NPR3: variants seen among roughly 807,000 people sequenced by gnomAD.
NPR3 encodes the protein natriuretic peptide receptor 3.
Under a neutral mutation model 54.5 loss-of-function variants are expected in NPR3, and 34 were observed. The observed-to-expected ratio is 0.62, with a 90% confidence interval of 0.47 to 0.83. NPR3 has a LOEUF of 0.83. Among genes scored for constraint, NPR3 ranks in the 40% least tolerant of loss-of-function variants. NPR3 has a pLI of 0.00. For missense variants in NPR3, 674 were observed against 720.8 expected (o/e 0.94, Z 0.74); for synonymous variants, 289 against 297.1 (o/e 0.97, Z 0.28).
At chr5:32,713,459 C>T in intron 1 of NPR3, 4 of 985,312 alleles carry the variant, frequency 4.1e-6, no homozygotes, top group South Asian at 4.7e-5. Context: ...TGAGGGAAGG[C>T]GGACTGAGAT....
chr5:32,738,294 C>A (rs955005513), intron 2 of NPR3, among the ~76,000 whole-genome samples: 9 of 152,018 alleles, frequency 5.9e-5, no homozygotes, highest in Non-Finnish European at 1.2e-4. Flanking sequence ...CCCTGCCCCC[C>A]ACCCCCTGAT....
At chr5:32,721,530 T>C (rs960123907) in intron 1 of NPR3, among the ~76,000 whole-genome samples, 23 of 152,016 alleles carry the variant, frequency 1.5e-4, no homozygotes, top group Admixed American at 1.2e-3. Flanking sequence ...GTAGTCTCAG[T>C]TACTTGGGAG....
At chr5:32,710,710 G>C (rs1738163713), upstream of NPR3, 1 of 1,546,860 alleles carries the variant, frequency 6.5e-7, no homozygotes, top group Admixed American at 2.0e-5. Context: ...CTGACCTTGC[G>C]CCGAGGGACC....
intron 3 of NPR3, among the ~76,000 whole-genome samples, chr5:32,764,692 G>A (rs1741352338): frequency 6.7e-6 from 1 of 149,192 alleles, no homozygotes; most frequent in African/African-American, 2.5e-5. Flanking sequence ...GGAGGCTGAG[G>A]CAGGAGAATT....
chr5:32,762,822 G>T (rs769971351), intron 3 of NPR3, among the ~76,000 whole-genome samples: 1 of 152,114 alleles, frequency 6.6e-6, no homozygotes, highest in South Asian at 2.1e-4. Context: ...CTGTGCAGAA[G>T]GTCTTCAGTT....
chr5:32,772,048 G>A (rs974823911), intron 3 of NPR3, among the ~76,000 whole-genome samples: 9 of 152,110 alleles, frequency 5.9e-5, no homozygotes, highest in Admixed American at 2.6e-4. Flanking sequence ...AAGCCATAAT[G>A]ACTTCATGGC....
intron 1 of NPR3, among the ~76,000 whole-genome samples, chr5:32,724,193 G>A (rs548997084): frequency 9.2e-5 from 14 of 152,106 alleles, no homozygotes; most frequent in Non-Finnish European, 1.5e-4. Context: ...GCCCTTTATA[G>A]CAAAACATTT....
At chr5:32,757,934 C>T (rs553189099) in intron 3 of NPR3, among the ~76,000 whole-genome samples, 183 of 152,324 alleles carry the variant, frequency 1.2e-3, no homozygotes, top group African/African-American at 4.3e-3. Flanking sequence ...ACCAGTCTTG[C>T]ATCCCAGGGA....
chr5:32,708,450 T>C (rs1464723680), upstream of NPR3, among the ~76,000 whole-genome samples: 1 of 152,114 alleles, frequency 6.6e-6, no homozygotes, highest in African/African-American at 2.4e-5. Context: ...GCTATATATA[T>C]ATATAAAAAT....
chr5:32,765,243 A>G (rs1741390242), intron 3 of NPR3, among the ~76,000 whole-genome samples: 1 of 152,192 alleles, frequency 6.6e-6, no homozygotes, highest in African/African-American at 2.4e-5. Context: ...GGTATTCAAG[A>G]CATGGTCAAG....
At position 32,789,367 on chromosome 5, in the gene NPR3, A is replaced by C; in HGVS notation, c.*3022A>C. On this transcript the variant is annotated 3_prime_UTR_variant, in exon 8 of 8. Transcript: ENST00000265074. ...AATCTGGAAAGAATTTTTTGTATAG[A>C]GTCCATCTCTCCCTCAAGACTGACC... 2.2e-6 allele frequency: 1 copy of C among 457,660 alleles called. No individual in the cohort carries two copies. Among genetic ancestry groups the C allele is most frequent in the South Asian group, 1.8e-5 (1 of 56,946 alleles). 28.3% of individuals were successfully genotyped at this position (457,660 alleles called of 1,614,324 possible). A position where few individuals can be genotyped will look rare whatever the true frequency, so the allele number is the denominator to read the frequency against.
chr5:32,749,361 A>G (rs989071384), intron 3 of NPR3, among the ~76,000 whole-genome samples: 3 of 152,092 alleles, frequency 2.0e-5, no homozygotes, highest in African/African-American at 7.2e-5. Flanking sequence ...TTGCCTTTCA[A>G]GTTCATTTTT....
chr5:32,741,395 G>A (rs1308628827), intron 3 of NPR3, among the ~76,000 whole-genome samples: 1 of 152,158 alleles, frequency 6.6e-6, no homozygotes, highest in Non-Finnish European at 1.5e-5. Context: ...CTCCAGCCTG[G>A]GTGGCAGAGT....
intron 3 of NPR3, among the ~76,000 whole-genome samples, chr5:32,771,501 TTGTAGCGGG>T (rs1356048509): frequency 2.6e-4 from 40 of 152,102 alleles, no homozygotes; most frequent in Admixed American, 2.6e-3. Context: ...CTATCCTGGA[TTGTAGCGGG>T]GGCAGCTCAG....
chr5:32,752,914 T>C lies in NPR3; in HGVS notation c.1059+13884T>C, dbSNP rs923941319. ...TCTTGGACTAAAAGGGAAACTTGTT[T>C]ATTCCTCTAATCTTTACTTAGCTTT... On this transcript the variant is annotated intron_variant, in intron 3 of 7. Coordinates refer to ENST00000265074, the MANE Select transcript of NPR3 (RefSeq NM_001204375.2). 2.0e-5 allele frequency among the ~76,000 whole-genome samples: 3 copies of C among 152,234 alleles called. No individual in the cohort carries two copies. In the South Asian group the frequency reaches 6.2e-4, roughly 31 times the overall value.
At chr5:32,751,460 C>G (rs1740570888) in intron 3 of NPR3, among the ~76,000 whole-genome samples, 1 of 152,126 alleles carries the variant, frequency 6.6e-6, no homozygotes, top group Non-Finnish European at 1.5e-5. Flanking sequence ...TGTGGCCAAG[C>G]CTTGTTCTTG....
At position 32,712,314 on chromosome 5, in the gene NPR3, G is replaced by C. The variant is rs750678000; in HGVS notation, c.538G>C (p.Ala180Pro). The change falls in exon 1 of 8, where the codon GCC (alanine) becomes CCC (proline). Residue 180 changes from alanine (A) to proline (P), a missense_variant. Physicochemically the swap from Ala to Pro is conservative, Grantham distance 27. Transcript: ENST00000265074. ...EYSHLTRVAPAYAKMGEMMLA... is the reference protein window; with the variant it reads ...EYSHLTRVAPPYAKMGEMMLA... The stretch of plus-strand genomic sequence containing the variant: ...CTCGCACCTCACGCGCGTGGCGCCC[G>C]CCTACGCCAAGATGGGCGAGATGAT... 12 of 1,613,260 alleles carry C rather than the reference G, an allele frequency of 7.4e-6. No individual in the cohort carries two copies. In the South Asian group the frequency reaches 1.1e-4, roughly 15 times the overall value.
rs778807000 is a variant in NPR3 at position 32,789,827 on chromosome 5, G to T, written c.*3482G>T. 1.8e-4 allele frequency: 86 copies of T among 482,926 alleles called. No individual in the cohort carries two copies. The highest frequency in any genetic ancestry group is 3.3e-4 in the Non-Finnish European group (79 of 237,202). The allele number at this position is 482,926 out of a possible 1,614,324, so 29.9% of individuals were successfully genotyped here. On this transcript the variant is annotated 3_prime_UTR_variant, in exon 8 of 8. Coordinates refer to ENST00000265074, the MANE Select transcript of NPR3 (RefSeq NM_001204375.2). ...GTTCCAGTGGCGTCACTACCTTCTT[G>T]TAAGCCAGTATACACTGGCTATTTG... is the stretch of plus-strand genomic sequence containing the variant.
At chr5:32,746,573 C>T (rs1256365606) in intron 3 of NPR3, among the ~76,000 whole-genome samples, 1 of 152,132 alleles carries the variant, frequency 6.6e-6, no homozygotes, top group African/African-American at 2.4e-5. Flanking sequence ...TGATAAAAAC[C>T]ATTAGTTTTA....
Sources: gnomAD v4.1 joint callset for allele counts (sites outside exome capture counted in the v4.1 genomes callset) on GRCh38, gnomAD v4.1.1 for gene constraint, MANE v1.5 for transcripts, NCBI Gene and HGNC (gene_info 2026-07-23, HGNC 2026-07-21) for gene names.